Variants in PSMA6 observed in about 807,000 individuals in gnomAD.
PSMA6 encodes proteasome subunit alpha type-6.
For synonymous variants in PSMA6, 88 were observed against 97.7 expected (o/e 0.90, Z 0.59); for missense variants, 170 against 294.8 (o/e 0.58, Z 3.10).
chr14:35,286,838 G>A (rs1422651572), intron 1 of PSMA6, among the ~76,000 whole-genome samples: 1 of 151,994 alleles, frequency 6.6e-6, no homozygotes, highest in African/African-American at 2.4e-5. Flanking sequence ...ATCCACCATT[G>A]GTTCCAGAGG....
At chr14:35,282,202 CTA>C (rs201954286) in intron 1 of PSMA6, among the ~76,000 whole-genome samples, 1,572 of 152,240 alleles carry the variant, frequency 0.01, 16 homozygotes, top group Non-Finnish European at 0.016. Flanking sequence ...TTGGAAGTAA[CTA>C]TTCAAAATAA....
intron 1 of PSMA6, among the ~76,000 whole-genome samples, chr14:35,305,380 C>T (rs1250227160): frequency 1.3e-5 from 2 of 152,098 alleles, no homozygotes; most frequent in Non-Finnish European, 2.9e-5. Flanking sequence ...AAGCAGTCCT[C>T]CCACCTTGGC....
chr14:35,307,379 A>G (rs1348078506), intron 1 of PSMA6, among the ~76,000 whole-genome samples: 1 of 152,250 alleles, frequency 6.6e-6, no homozygotes, highest in African/African-American at 2.4e-5. Context: ...ATGGCCACAA[A>G]AAACCTTTTA....
chr14:35,308,684 T>C, intron 2 of PSMA6: 1 of 430,912 alleles, frequency 2.3e-6, no homozygotes. Context: ...AAGCTATTGC[T>C]TGTCCACAGG....
In PSMA6 at chr14:35,293,910, A is replaced by G. The variant is rs888441487; in HGVS notation, c.76+1358A>G. Among the ~76,000 whole-genome samples, 6 of 152,342 alleles carry G rather than the reference A, an allele frequency of 3.9e-5. No homozygotes were observed. The East Asian group carries it at 1.2e-3, about 29-fold the overall frequency. ...TACTGTATTGTGAAGTCCAGCCATAAAGCATAATCGTTAATGCTTCCCAGA... is the reference window on the plus strand; with the variant it reads ...TACTGTATTGTGAAGTCCAGCCATAGAGCATAATCGTTAATGCTTCCCAGA... On this transcript the variant is annotated intron_variant, in intron 1 of 6. Transcript: ENST00000261479.
intron 1 of PSMA6, among the ~76,000 whole-genome samples, chr14:35,298,628 G>A (rs1028958182): frequency 2.0e-5 from 3 of 152,134 alleles, no homozygotes; most frequent in Non-Finnish European, 2.9e-5. Flanking sequence ...CTTTGATCAT[G>A]TAGTGTTTAA....
At chr14:35,288,510 A>C (rs2051444179), upstream of PSMA6, among the ~76,000 whole-genome samples, 1 of 152,182 alleles carries the variant, frequency 6.6e-6, no homozygotes, top group Admixed American at 6.5e-5. Flanking sequence ...AAAATAAGCC[A>C]AAAACAACAA....
intron 1 of PSMA6, among the ~76,000 whole-genome samples, chr14:35,285,685 C>T (rs2051415287): frequency 6.6e-6 from 1 of 152,228 alleles, no homozygotes; most frequent in Admixed American, 6.5e-5. Context: ...ACTGGCCAAT[C>T]TCTGCACCTC....
chr14:35,301,911 C>T (rs2051720963), intron 1 of PSMA6, among the ~76,000 whole-genome samples: 1 of 152,066 alleles, frequency 6.6e-6, no homozygotes, highest in Admixed American at 6.6e-5. Context: ...GTGAGTAAAA[C>T]AGGCTGAGTG....
At chr14:35,289,365 T>G (rs2051452725), upstream of PSMA6, among the ~76,000 whole-genome samples, 1 of 152,010 alleles carries the variant, frequency 6.6e-6, no homozygotes, top group African/African-American at 2.4e-5. Context: ...GGTCTCACTC[T>G]GTTGCCCAGA....
At chr14:35,284,929 G>A (rs1258427273) in intron 1 of PSMA6, among the ~76,000 whole-genome samples, 1 of 152,144 alleles carries the variant, frequency 6.6e-6, no homozygotes, top group Non-Finnish European at 1.5e-5. Context: ...GAATGTTTCA[G>A]TGCCTAAATC....
intron 3 of PSMA6, chr14:35,310,267 G>A (rs778246126): frequency 9.5e-6 from 4 of 419,350 alleles, no homozygotes; most frequent in East Asian, 7.7e-5. Flanking sequence ...AGCAATTCTC[G>A]TGCCTCAACC....
At chr14:35,286,197 C>G (rs780629653) in intron 1 of PSMA6, among the ~76,000 whole-genome samples, 1 of 152,174 alleles carries the variant, frequency 6.6e-6, no homozygotes, top group Non-Finnish European at 1.5e-5. Context: ...GGCTCAGATT[C>G]AAACCCAGTG....
At chr14:35,302,351 TCACA>T (rs1159935551) in intron 1 of PSMA6, among the ~76,000 whole-genome samples, 1 of 152,290 alleles carries the variant, frequency 6.6e-6, no homozygotes, top group East Asian at 1.9e-4. Flanking sequence ...GCATGAGCCA[TCACA>T]CACAGCCAGA....
intron 6 of PSMA6, chr14:35,314,685 C>T (rs1008187393): frequency 9.1e-6 from 3 of 329,392 alleles, no homozygotes; most frequent in Non-Finnish European, 1.5e-5. Flanking sequence ...ATATCTAACA[C>T]CAGAGATGAC....
At position 35,281,571 on chromosome 14, in the gene PSMA6, T is replaced by C. The variant is rs574343275; in HGVS notation, c.19+2853T>C. ...AGGGCCTCAGTGAGCTCCACAATTA[T>C]ATAAAAAATAGTAACAAAACAACAC... On this transcript the variant is annotated intron_variant, in intron 1 of 6. Coordinates refer to the PSMA6 transcript ENST00000540871. Among the ~76,000 whole-genome samples, 21 of 152,266 alleles carry C rather than the reference T, an allele frequency of 1.4e-4. 1 individual carries two copies. In the South Asian group the frequency reaches 2.7e-3, roughly 20 times the overall value.
upstream of PSMA6, among the ~76,000 whole-genome samples, chr14:35,287,412 A>G (rs2051431270): frequency 1.3e-5 from 2 of 152,194 alleles, no homozygotes; most frequent in Admixed American, 6.5e-5. Context: ...TGGAAACACA[A>G]ATAGGCTTCT....
intron 1 of PSMA6, among the ~76,000 whole-genome samples, chr14:35,285,339 C>CAAAAAAAAAAAAAAAAAAAAAAAAAAA (rs758651038): frequency 1.8e-5 from 1 of 54,566 alleles, no homozygotes; most frequent in African/African-American, 4.8e-5. Context: ...AACTCTATCT[C>CAAAAAAAAAAAAAAAAAAAAAAAAAAA]AAAAAAAACA....
chr14:35,317,211 T>G, intron 6 of PSMA6, 38 bp from the exon 7 acceptor site: 1 of 1,581,012 alleles, frequency 6.3e-7, no homozygotes, highest in Non-Finnish European at 8.7e-7. Context: ...AAAAAATTTT[T>G]TTTAAATCGT....
Sources: gnomAD v4.1 joint callset for allele counts (sites outside exome capture counted in the v4.1 genomes callset) on GRCh38, gnomAD v4.1.1 for gene constraint, MANE v1.5 for transcripts, NCBI Gene and HGNC (gene_info 2026-07-23, HGNC 2026-07-21) for gene names.